SCARB1: variants seen among roughly 807,000 people sequenced by gnomAD.
SCARB1 encodes scavenger receptor class B member 1.
In SCARB1, 30 loss-of-function variants were observed where a neutral mutation model predicts 57.2. The observed-to-expected ratio is 0.52, with a 90% CI of 0.39 to 0.71. The LOEUF (loss-of-function observed/expected upper bound fraction) is 0.71. Among genes scored for constraint, SCARB1 ranks in the 30% least tolerant of loss-of-function variants. The probability of loss-of-function intolerance (pLI) is 0.00; values close to 1 mark genes in which losing one functional copy is unlikely to be tolerated. For synonymous variants in SCARB1, 249 were observed against 268.3 expected (o/e 0.93, Z 0.70); for missense variants, 543 against 671.2 (o/e 0.81, Z 2.11).
intron 7 of SCARB1, among the ~76,000 whole-genome samples, chr12:124,802,089 G>A (rs1274176046): frequency 4.7e-5 from 7 of 150,240 alleles, no homozygotes; most frequent in Non-Finnish European, 7.4e-5. Flanking sequence ...GGCAGAAGTT[G>A]TGGTGAGCCA....
At chr12:124,831,038 C>T (rs11503024) in intron 1 of SCARB1, among the ~76,000 whole-genome samples, 54,261 of 145,394 alleles carry the variant, frequency 0.37, 9,849 homozygotes, top group Non-Finnish European at 0.42. Flanking sequence ...TGCAGTGGCG[C>T]GATCTCGGCT....
Position 124,817,814 on chromosome 12 carries a change from T to C in SCARB1, c.127-107A>G. ...CGAGCCCGGCCAGGGAAGGGGCTCC[T>C]CGGCGGGAGCTTGGGATAGGAGGTG... On this transcript the variant is annotated intron_variant, in intron 1 of 12. Coordinates refer to ENST00000261693, the MANE Select transcript of SCARB1 (RefSeq NM_005505.5). The surrounding 1 kb of genome is among the most constrained non-coding windows in gnomAD (Gnocchi z 4.8). The C allele has an allele frequency of 8.3e-7, 1 of 1,205,150 alleles. No individual in the cohort carries two copies. 74.7% of individuals were successfully genotyped at this position (1,205,150 alleles called of 1,614,324 possible).
At chr12:124,858,292 AG>A (rs1952722513) in intron 1 of SCARB1, among the ~76,000 whole-genome samples, 1 of 152,214 alleles carries the variant, frequency 6.6e-6, no homozygotes, top group East Asian at 1.9e-4. Flanking sequence ...GGACTAAATG[AG>A]ACAATTTTCA....
intron 1 of SCARB1, among the ~76,000 whole-genome samples, chr12:124,852,293 C>T (rs555667733): frequency 6.6e-6 from 1 of 152,236 alleles, no homozygotes. Flanking sequence ...TGGAACCAGG[C>T]AGAAGTCATT....
chr12:124,861,960 T>A (rs568233747), intron 1 of SCARB1, among the ~76,000 whole-genome samples: 1 of 152,106 alleles, frequency 6.6e-6, no homozygotes, highest in Non-Finnish European at 1.5e-5. Context: ...AGCCCCCGAA[T>A]AACTGAGTTG....
chr12:124,835,510 A>G (rs186011613), intron 1 of SCARB1, among the ~76,000 whole-genome samples: 9 of 152,098 alleles, frequency 5.9e-5, no homozygotes, highest in Non-Finnish European at 1.0e-4. Context: ...GCCTAAACCA[A>G]TTCTCCCGCT....
At chr12:124,801,836 A>G (rs1950141876) in intron 7 of SCARB1, among the ~76,000 whole-genome samples, 1 of 151,430 alleles carries the variant, frequency 6.6e-6, no homozygotes, top group Non-Finnish European at 1.5e-5. Flanking sequence ...AAAGAGCAAG[A>G]CTGTGTCTCA....
intron 1 of SCARB1, among the ~76,000 whole-genome samples, chr12:124,847,064 A>C (rs576597476): frequency 1.3e-5 from 2 of 152,374 alleles, no homozygotes; most frequent in African/African-American, 4.8e-5. Context: ...GGGGCAGATG[A>C]GCTTTCCCTC....
rs144848287 is a variant in SCARB1, at chr12:124,791,780, A to G, written c.1202+3415T>C. Among the ~76,000 whole-genome samples, 845 of 152,120 alleles carry G rather than the reference A, an allele frequency of 5.6e-3. 17 individuals are homozygous for G. Among genetic ancestry groups the G allele is most frequent in the African/African-American group, 0.02 (819 of 41,454 alleles). The stretch of plus-strand genomic sequence containing the variant: ...AGACCAGCCTGGCCAACACAGTGAA[A>G]CCCCGTCTCTACTAAAAATACAAAA... On this transcript the variant is annotated intron_variant, in intron 9 of 12. Transcript: ENST00000261693.
rs1025973246 is a variant in SCARB1, at chr12:124,817,028, G to A, written c.284+522C>T. Among the ~76,000 whole-genome samples the A allele has an allele frequency of 1.5e-5, 2 of 135,586 alleles. No homozygotes were observed. The highest frequency in any genetic ancestry group is 2.0e-4 in the East Asian group (1 of 5,126). 88.9% of individuals were successfully genotyped at this position (135,586 alleles called of 152,430 possible). On this transcript the variant is annotated intron_variant, in intron 2 of 12. Transcript: ENST00000261693. The surrounding 1 kb of genome is among the most constrained non-coding windows in gnomAD (Gnocchi z 4.8). ...CCTGCTCCTGGTCATGCATGTGTGT[G>A]TGTGTGTGTGTGTGTGTGTGTATGT... is the stretch of plus-strand genomic sequence containing the variant.
intron 1 of SCARB1, among the ~76,000 whole-genome samples, chr12:124,819,056 G>T (rs1315536767): frequency 6.6e-6 from 1 of 151,936 alleles, no homozygotes; most frequent in Non-Finnish European, 1.5e-5. Flanking sequence ...GAGCCAAGGA[G>T]GTCGAGGCTG....
chr12:124,842,509 C>T (rs111409845), intron 1 of SCARB1, among the ~76,000 whole-genome samples: 6 of 152,376 alleles, frequency 3.9e-5, no homozygotes, highest in African/African-American at 1.4e-4. Context: ...GTCTCTTCTC[C>T]CTGCCCCCAC....
rs746325303 is a variant in SCARB1 at position 124,817,586 on chromosome 12, T to A, written c.248A>T (p.Lys83Met). 7.4e-6 allele frequency: 12 copies of A among 1,614,182 alleles called. No individual in the cohort carries two copies. The East Asian group carries it at 2.7e-4, about 36-fold the overall frequency. ...GGGCCCGCGCTCCCGCACCTGCGGCTTCTCGCCCTTCAGGATCTCGCTGGG... is the reference window on the plus strand; with the variant it reads ...GGGCCCGCGCTCCCGCACCTGCGGCATCTCGCCCTTCAGGATCTCGCTGGG... Reference protein sequence around the residue: ...MNPSEILKGEKPQVRERGPYV... With the variant: ...MNPSEILKGEMPQVRERGPYV... The change falls in exon 2 of 13, where the codon AAG becomes ATG. Residue 83 changes from lysine (K) to methionine (M), a missense_variant. By Grantham distance (95) the Lys-to-Met change is moderately conservative. Coordinates refer to ENST00000261693, the MANE Select transcript of SCARB1 (RefSeq NM_005505.5). The surrounding 1 kb of genome is among the most constrained non-coding windows in gnomAD (Gnocchi z 4.8).
At chr12:124,852,644 G>A (rs73417421) in intron 1 of SCARB1, among the ~76,000 whole-genome samples, 7,293 of 152,354 alleles carry the variant, frequency 0.048, 620 homozygotes, top group African/African-American at 0.16. Context: ...AGCCATGAAC[G>A]AGACAGATAA....
intron 9 of SCARB1, among the ~76,000 whole-genome samples, chr12:124,793,476 G>A (rs575683626): frequency 3.3e-5 from 5 of 151,838 alleles, no homozygotes; most frequent in South Asian, 4.2e-4. Flanking sequence ...GGCGGATCAC[G>A]AGGTCAGGAG....
At chr12:124,843,417 T>C (rs1359541715) in intron 1 of SCARB1, among the ~76,000 whole-genome samples, 1 of 152,036 alleles carries the variant, frequency 6.6e-6, no homozygotes, top group African/African-American at 2.4e-5. Context: ...CCTTGACTTC[T>C]GGTTTGTGAG....
rs1473459110 is a variant in SCARB1 at position 124,817,683 on chromosome 12, G to A, written c.151C>T (p.Leu51=). 2 of 1,614,100 alleles carry A rather than the reference G, an allele frequency of 1.2e-6. No homozygotes were observed. Among genetic ancestry groups the A allele is most frequent in the South Asian group, 1.1e-5 (1 of 91,092 alleles). ...LKNVRIDPSS[L]SFNMWKEIPI... is the part of the protein sequence containing the mutation. ...ATCTCCTTCCACATGTTGAAGGACAGGCTACTGGGGTCGATGCGCACGTTC... is the reference window on the plus strand; with the variant it reads ...ATCTCCTTCCACATGTTGAAGGACAAGCTACTGGGGTCGATGCGCACGTTC... The change falls in exon 2 of 13, where the codon CTG becomes TTG. Residue 51 remains leucine, a synonymous_variant. Transcript: ENST00000261693. The surrounding 1 kb of genome is among the most constrained non-coding windows in gnomAD (Gnocchi z 4.8).
intron 2 of SCARB1, 93 bp from the exon 3 acceptor site, chr12:124,815,207 C>T (rs1950664136): frequency 1.4e-6 from 2 of 1,435,986 alleles, no homozygotes; most frequent in Admixed American, 3.5e-5. Flanking sequence ...GAACCAGGGG[C>T]CCTGGACGTC....
intron 1 of SCARB1, among the ~76,000 whole-genome samples, chr12:124,862,828 G>A (rs1952954526): frequency 6.6e-6 from 1 of 152,212 alleles, no homozygotes; most frequent in Admixed American, 6.5e-5. Context: ...CTGCAGACCA[G>A]CTGACCGCCT....
Sources: allele counts gnomAD v4.1 joint callset (sites outside exome capture counted in the v4.1 genomes callset), GRCh38; gene constraint gnomAD v4.1.1; non-coding constraint Gnocchi (gnomAD v3.1); transcripts MANE v1.5; gene names NCBI Gene and HGNC (gene_info 2026-07-23, HGNC 2026-07-21).